The following ASAP1 variants were observed in gnomAD, a reference collection of about 807,000 sequenced individuals.
ASAP1 encodes the protein arf-GAP with SH3 domain, ANK repeat and PH domain-containing protein 1.
In ASAP1, 43 loss-of-function variants were observed where a neutral mutation model predicts 145.2. The ratio of observed to expected loss-of-function variants is 0.30; its 90% confidence interval spans 0.23 to 0.38. The LOEUF is 0.38. Ranked by LOEUF, ASAP1 falls within the 10% of genes least tolerant of loss-of-function variation. ASAP1 has a pLI of 1.00. For synonymous variants in ASAP1, 546 were observed against 515.5 expected, an observed-to-expected ratio of 1.06 and a Z score of -0.80; for missense variants, 1,018 against 1,355.3, an observed-to-expected ratio of 0.75 and a Z score of 3.91.
At chr8:130,068,731 C>G (rs571950207) in intron 27 of ASAP1, among the ~76,000 whole-genome samples, 2 of 152,270 alleles carry the variant, frequency 1.3e-5, no homozygotes, top group East Asian at 3.9e-4. Flanking sequence ...GGGGACTGTC[C>G]AACTCTACCT....
intron 3 of ASAP1, among the ~76,000 whole-genome samples, chr8:130,278,764 A>G (rs935320511): frequency 2.0e-5 from 3 of 152,064 alleles, no homozygotes; most frequent in Non-Finnish European, 2.9e-5. Context: ...AGAGAGGGGG[A>G]GCTGTTGTTT....
chr8:130,151,353 A>G (rs1341932371), intron 13 of ASAP1, among the ~76,000 whole-genome samples: 1 of 124,966 alleles, frequency 8.0e-6, no homozygotes, highest in African/African-American at 3.0e-5. Context: ...CCTGGGTGAA[A>G]GAGCGAGACT....
At chr8:130,163,705 T>C (rs181432665) in intron 11 of ASAP1, among the ~76,000 whole-genome samples, 36 of 152,134 alleles carry the variant, frequency 2.4e-4, no homozygotes, top group African/African-American at 7.5e-4. Context: ...TTAACAACAA[T>C]TTAAAAACTG....
intron 18 of ASAP1, chr8:130,118,890 T>C (rs1349192946): frequency 2.1e-5 from 6 of 289,222 alleles, no homozygotes; most frequent in Non-Finnish European, 3.2e-5. Context: ...TAGATATAGT[T>C]ACAAAGTAAA....
chr8:130,194,997 T>A (rs1345299295), intron 5 of ASAP1: 4 of 152,142 alleles, frequency 2.6e-5, no homozygotes, highest in Admixed American at 1.3e-4. Flanking sequence ...TGTATGACCT[T>A]CATTATCTTC....
At chr8:130,426,543 C>A (rs965149966) in intron 1 of ASAP1, among the ~76,000 whole-genome samples, 3 of 152,204 alleles carry the variant, frequency 2.0e-5, no homozygotes, top group African/African-American at 7.2e-5. Flanking sequence ...TCATCCCCAC[C>A]CCATCAACCT....
chr8:130,318,391 T>C (rs1276822775), intron 3 of ASAP1, among the ~76,000 whole-genome samples: 1 of 152,222 alleles, frequency 6.6e-6, no homozygotes, highest in Non-Finnish European at 1.5e-5. Context: ...CCAGTGTTTT[T>C]ATGATGAGGT....
rs371154312 is a variant in ASAP1 at position 130,178,152 on chromosome 8, A to T, written c.746+1112T>A. ...AAAAGAATAAGAAAGATCAAAGGAA[A>T]TTATGAATTTAACTTTTTTGAGAGT... On this transcript the variant is annotated intron_variant, in intron 9 of 29. Coordinates refer to ENST00000518721, the MANE Select transcript of ASAP1 (RefSeq NM_018482.4). Among the ~76,000 whole-genome samples, 78 of 152,372 alleles carry T rather than the reference A, an allele frequency of 5.1e-4. No individual in the cohort carries two copies. The East Asian group carries it at 0.011, about 22-fold the overall frequency.
intron 3 of ASAP1, among the ~76,000 whole-genome samples, chr8:130,329,707 A>G (rs1824560415): frequency 6.6e-6 from 1 of 152,244 alleles, no homozygotes; most frequent in South Asian, 2.1e-4. Flanking sequence ...GAGCTCTGAA[A>G]TAGGGACTAA....
At chr8:130,110,777 T>C (rs1219471661) in intron 24 of ASAP1, among the ~76,000 whole-genome samples, 2 of 152,186 alleles carry the variant, frequency 1.3e-5, no homozygotes, top group Admixed American at 6.5e-5. Context: ...ACTATTTCAA[T>C]AGAGAATAAG....
At chr8:130,087,533 G>A (rs2135390663) in intron 25 of ASAP1, among the ~76,000 whole-genome samples, 1 of 152,090 alleles carries the variant, frequency 6.6e-6, no homozygotes, top group East Asian at 1.9e-4. Context: ...AAAAAAAAGA[G>A]AACTTGACAG....
intron 3 of ASAP1, among the ~76,000 whole-genome samples, chr8:130,239,006 T>A (rs1818372519): frequency 6.6e-6 from 1 of 152,124 alleles, no homozygotes; most frequent in South Asian, 2.1e-4. Flanking sequence ...TGTATCTTTT[T>A]AAAAAAATTT....
At chr8:130,107,010 G>A (rs1020918904) in intron 24 of ASAP1, among the ~76,000 whole-genome samples, 1 of 152,102 alleles carries the variant, frequency 6.6e-6, no homozygotes, top group Non-Finnish European at 1.5e-5. Context: ...CTCACTACGT[G>A]CCAGTCATTT....
At chr8:130,245,086 G>A (rs1415066156) in intron 3 of ASAP1, among the ~76,000 whole-genome samples, 2 of 152,132 alleles carry the variant, frequency 1.3e-5, no homozygotes, top group Non-Finnish European at 2.9e-5. Context: ...GGACCTGGCA[G>A]CCGCAGCTTA....
rs755488920 is a variant in ASAP1, at chr8:130,188,147, C to T, written c.442G>A (p.Asp148Asn). 1.1e-5 allele frequency: 18 copies of T among 1,613,744 alleles called. No individual in the cohort carries two copies. The highest frequency in any genetic ancestry group is 1.6e-4 in the Middle Eastern group (1 of 6,084). ...TTTAGGTCTCCTTTTAACAAAGAAT[C>T]CAAGGTGAAGATCACATTGTGGCTC... ...GLSHNVIFTLDSLLKGDLKGV... is the reference protein window; with the variant it reads ...GLSHNVIFTLNSLLKGDLKGV... The change falls in exon 6 of 30, where the codon GAT becomes AAT. Residue 148 changes from aspartate to asparagine, a missense_variant. Asp to Asn is a conservative substitution (Grantham distance 23, BLOSUM62 1). Coordinates refer to ENST00000518721, the MANE Select transcript of ASAP1 (RefSeq NM_018482.4).
At chr8:130,109,003 G>A (rs1174572688) in intron 24 of ASAP1, among the ~76,000 whole-genome samples, 4 of 151,792 alleles carry the variant, frequency 2.6e-5, no homozygotes, top group African/African-American at 7.3e-5. Context: ...TCGAACTCCC[G>A]ACGTCAGGTG....
intron 14 of ASAP1, among the ~76,000 whole-genome samples, chr8:130,136,155 A>G (rs749286700): frequency 4.6e-5 from 7 of 152,186 alleles, no homozygotes; most frequent in Non-Finnish European, 8.8e-5. Context: ...CTTTACAAAG[A>G]GGAGTCCTCT....
At chr8:130,234,730 C>A (rs1818110221) in intron 4 of ASAP1, among the ~76,000 whole-genome samples, 1 of 152,098 alleles carries the variant, frequency 6.6e-6, no homozygotes, top group South Asian at 2.1e-4. Context: ...TACAGCAGCA[C>A]CTCGTGGCTG....
intron 25 of ASAP1, among the ~76,000 whole-genome samples, chr8:130,088,170 G>A (rs2097497800): frequency 6.6e-6 from 1 of 152,134 alleles, no homozygotes; most frequent in Non-Finnish European, 1.5e-5. Flanking sequence ...CGCTCTTGTT[G>A]CACAGGCTGG....
Sources: allele counts gnomAD v4.1 joint callset (sites outside exome capture counted in the v4.1 genomes callset), GRCh38; gene constraint gnomAD v4.1.1; transcripts MANE v1.5; gene names NCBI Gene and HGNC (gene_info 2026-07-23, HGNC 2026-07-21).